Variants in PITX1 observed in about 807,000 individuals in gnomAD.
The protein encoded by PITX1 is paired like homeodomain 1.
In PITX1, 5 loss-of-function variants were observed where a neutral mutation model predicts 24.1. That is an observed-to-expected ratio of 0.21 (90% CI 0.11 to 0.44). PITX1 has a LOEUF of 0.44. Among genes scored for constraint, PITX1 ranks in the 20% least tolerant of loss-of-function variants. The pLI is 0.99. For synonymous variants in PITX1, 213 were observed against 208.9 expected, an observed-to-expected ratio of 1.02 and a Z score of -0.17; for missense variants, 401 against 455.4, an observed-to-expected ratio of 0.88 and a Z score of 1.09.
rs1279519696 is a variant in PITX1, at chr5:135,028,647, G to A, written c.*132C>T. Reference sequence around the variant, plus strand: ...ACCCGGAGTGGGAAGTGGGAGGAGGGGGCTGCGCAGGTGTGAGGTCCGCGG... The same window carrying A: ...ACCCGGAGTGGGAAGTGGGAGGAGGAGGCTGCGCAGGTGTGAGGTCCGCGG... On this transcript the variant is annotated 3_prime_UTR_variant, in exon 3 of 3. Coordinates refer to ENST00000265340, the MANE Select transcript of PITX1 (RefSeq NM_002653.5). 7 of 473,620 alleles carry A rather than the reference G, an allele frequency of 1.5e-5. No homozygotes were observed. The highest frequency in any genetic ancestry group is 2.2e-5 in the Non-Finnish European group (7 of 312,948). 29.3% of individuals were successfully genotyped at this position (473,620 alleles called of 1,614,324 possible).
chr5:135,029,398 G>T, intron 2 of PITX1, 77 bp from the exon 3 acceptor site: 1 of 1,267,224 alleles, frequency 7.9e-7, no homozygotes, highest in Non-Finnish European at 1.1e-6. Flanking sequence ...ACCGCCTGGA[G>T]CCTTCCGTCG....
chr5:135,034,317 GGAGCGAGC>G (rs1190691861), upstream of PITX1: 2 of 151,600 alleles, frequency 1.3e-5, no homozygotes, highest in Non-Finnish European at 3.0e-5. Context: ...GGCTGGGGAG[GGAGCGAGC>G]GAGCGAGGGA....
At chr5:135,031,186 T>TG in intron 2 of PITX1, 90 bp downstream of exon 2, 1 of 952,988 alleles carries the variant, frequency 1.0e-6, no homozygotes, top group Non-Finnish European at 1.7e-6. Context: ...AGTGAAGTTC[T>TG]GCTTGTGGGT....
chr5:135,029,616 T>A (rs1752415079), intron 2 of PITX1, among the ~76,000 whole-genome samples: 1 of 152,236 alleles, frequency 6.6e-6, no homozygotes, highest in African/African-American at 2.4e-5. Context: ...CTCAACCAGT[T>A]CACCTCTGCC....
At chr5:135,030,919 CA>C (rs1456082706) in intron 2 of PITX1, among the ~76,000 whole-genome samples, 1 of 152,240 alleles carries the variant, frequency 6.6e-6, no homozygotes, top group Non-Finnish European at 1.5e-5. Flanking sequence ...TCCCCAGCGG[CA>C]GGGAATCCAC....
At position 135,028,543 on chromosome 5, in the gene PITX1, T is replaced by G. The variant is rs1345701855; in HGVS notation, c.*236A>C. ...TTTCGCGGCACTTTTCTCCGACGTC[T>G]TTTTGCTTTTTTTTTTTTTTTTTTT... is the stretch of plus-strand genomic sequence containing the variant. On this transcript the variant is annotated 3_prime_UTR_variant, in exon 3 of 3. Transcript: ENST00000265340. 6.0e-6 allele frequency: 1 copy of G among 166,142 alleles called. No individual in the cohort carries two copies. Among genetic ancestry groups the G allele is most frequent in the Non-Finnish European group, 1.2e-5 (1 of 81,956 alleles). The allele number at this position is 166,142 out of a possible 1,614,324, so 10.3% of individuals were successfully genotyped here.
Position 135,028,795 on chromosome 5 carries a change from C to T in PITX1, c.929G>A (p.Cys310Tyr). The change falls in exon 3 of 3, where the codon TGC (cysteine) becomes TAC (tyrosine). Residue 310 changes from cysteine (C) to tyrosine (Y), a missense_variant. Transcript: ENST00000265340. ...GCGGGGCGGTCAGCTGTTGTACTGG[C>T]ACGCGTTGAGGCCCGAGGCCGGGCC... ...LQGPASGLNACQYNS is the reference protein window; with the variant it reads ...LQGPASGLNAYQYNS 6.2e-7 allele frequency: 1 copy of T among 1,604,472 alleles called. No homozygotes were observed. The highest frequency in any genetic ancestry group is 1.1e-5 in the South Asian group (1 of 90,648).
chr5:135,031,781 C>T (rs1171686755), intron 1 of PITX1: 2 of 566,230 alleles, frequency 3.5e-6, no homozygotes, highest in Admixed American at 3.2e-5. Context: ...ACCCTTAGCT[C>T]GGCTCAGATT....
chr5:135,033,932 C>A lies in PITX1; in HGVS notation c.-51G>T. On this transcript the variant is annotated 5_prime_UTR_variant, in exon 1 of 3. Transcript: ENST00000265340. This position sits in a 1 kb window ranked among gnomAD's most constrained non-coding sequence, Gnocchi z 5.9. The stretch of plus-strand genomic sequence containing the variant: ...CCAGGGGCCGGGGCTGGGCGCGCCC[C>A]GCCGCCCTGGCTGCGACCTGCGGGG... 3 of 1,200,914 alleles carry A rather than the reference C, an allele frequency of 2.5e-6. No homozygotes were observed. Among genetic ancestry groups the A allele is most frequent in the South Asian group, 2.6e-5 (1 of 38,982 alleles). The allele number at this position is 1,200,914 out of a possible 1,614,324, so 74.4% of individuals were successfully genotyped here. A position where few individuals can be genotyped will look rare whatever the true frequency, so the allele number is the denominator to read the frequency against.
Position 135,029,073 on chromosome 5 carries a change from G to C in PITX1, c.651C>G (p.Pro217=), listed in dbSNP as rs146204449. 2.5e-4 allele frequency: 397 copies of C among 1,614,138 alleles called. 1 individual carries two copies. The highest frequency in any genetic ancestry group is 2.8e-4 in the Non-Finnish European group (325 of 1,180,044). The change falls in exon 3 of 3, where the codon CCC becomes CCG. Residue 217 remains proline (P), a synonymous_variant. Coordinates refer to ENST00000265340, the MANE Select transcript of PITX1 (RefSeq NM_002653.5). The part of the protein sequence containing the change: ...PLSSQSMFSA[P]SSISSMTMPS... ...GCATGGTCATGGAGGAGATGGAGCT[G>C]GGTGCTGAGAACATGGACTGCGACG...
rs911312002 is a variant in PITX1 at position 135,033,316 on chromosome 5, C to G, written c.169+397G>C. ...TCACGGTGTTAACCTCCCTCTCTGT[C>G]TCTCTGAGTGCGTTCTCTCGCCCGT... is the stretch of plus-strand genomic sequence containing the variant. On this transcript the variant is annotated intron_variant, in intron 1 of 2. Coordinates refer to ENST00000265340, the MANE Select transcript of PITX1 (RefSeq NM_002653.5). This position sits in a 1 kb window ranked among gnomAD's most constrained non-coding sequence, Gnocchi z 5.9. 1.5e-4 allele frequency: 43 copies of G among 283,890 alleles called. No homozygotes were observed. Among genetic ancestry groups the G allele is most frequent in the African/African-American group, 1.1e-3 (43 of 40,664 alleles). The allele number at this position is 283,890 out of a possible 1,614,324, so 17.6% of individuals were successfully genotyped here.
At position 135,028,990 on chromosome 5, in the gene PITX1, ATGT is replaced by A. The variant is rs1752402362; in HGVS notation, c.731_733del (p.Asn244del). On this transcript the variant is annotated inframe_deletion, in exon 3 of 3. Transcript: ENST00000265340. Reference sequence around the variant, plus strand: ...GAGCGAGGAGCCGGTGAGGTTGTTGATGTTGTTGAGGCCCGAGTTGGGCATGCC... The same window carrying A: ...GAGCGAGGAGCCGGTGAGGTTGTTGATGTTGAGGCCCGAGTTGGGCATGCC... The A allele has an allele frequency of 1.2e-6, 2 of 1,614,014 alleles. No individual in the cohort carries two copies. The highest frequency in any genetic ancestry group is 1.1e-5 in the South Asian group (1 of 91,068).
chr5:135,033,275 A>T lies in PITX1; in HGVS notation c.169+438T>A, dbSNP rs1286705490. The T allele has an allele frequency of 4.0e-6, 1 of 250,038 alleles. No homozygotes were observed. The highest frequency in any genetic ancestry group is 7.2e-6 in the Non-Finnish European group (1 of 138,414). The allele number at this position is 250,038 out of a possible 1,614,324, so 15.5% of individuals were successfully genotyped here. On this transcript the variant is annotated intron_variant, in intron 1 of 2. Transcript: ENST00000265340. The surrounding 1 kb of genome is among the most constrained non-coding windows in gnomAD (Gnocchi z 5.9). ...CCGCCCCTTCTCTTTGGTCTCTTTCATTCTGTCGCCTACTGTCACGGTGTT... is the reference window on the plus strand; with the variant it reads ...CCGCCCCTTCTCTTTGGTCTCTTTCTTTCTGTCGCCTACTGTCACGGTGTT...
chr5:135,030,778 A>T (rs1752433367), intron 2 of PITX1, among the ~76,000 whole-genome samples: 1 of 152,196 alleles, frequency 6.6e-6, no homozygotes, highest in African/African-American at 2.4e-5. Flanking sequence ...GAATCTGCTT[A>T]TGAGATGGGA....
At chr5:135,029,726 T>C (rs1752417077) in intron 2 of PITX1, among the ~76,000 whole-genome samples, 1 of 152,256 alleles carries the variant, frequency 6.6e-6, no homozygotes, top group Non-Finnish European at 1.5e-5. Context: ...CATAGGACTT[T>C]CCGACTCCCC....
rs1345484390 is a variant in PITX1 at position 135,029,123 on chromosome 5, AGGTGAAGCTCTT to A, written c.589_600del (p.Lys197_Thr200del). 1.2e-6 allele frequency: 2 copies of A among 1,614,132 alleles called. No homozygotes were observed. Among genetic ancestry groups the A allele is most frequent in the Non-Finnish European group, 1.7e-6 (2 of 1,180,054 alleles). On this transcript the variant is annotated inframe_deletion, in exon 3 of 3. Coordinates refer to ENST00000265340, the MANE Select transcript of PITX1 (RefSeq NM_002653.5). ...GACAGCGGGCTCATGGAGTTGAAGA[AGGTGAAGCTCTT>A]GGTGGAGAGCGGCGCTGGCGCCAGG... is the stretch of plus-strand genomic sequence containing the variant.
rs910936439 is a variant in PITX1, at chr5:135,033,530, T to C, written c.169+183A>G. 1.7e-5 allele frequency: 11 copies of C among 647,536 alleles called. No homozygotes were observed. The highest frequency in any genetic ancestry group is 2.9e-5 in the Non-Finnish European group (11 of 380,184). 40.1% of individuals were successfully genotyped at this position (647,536 alleles called of 1,614,324 possible). A position where few individuals can be genotyped will look rare whatever the true frequency, so the allele number is the denominator to read the frequency against. Reference sequence around the variant, plus strand: ...CGCGTGGGGACCGCGTGGAAGTGCCTTCGCGTGTGCGTAAGTTTCCGCGTT... The same window carrying C: ...CGCGTGGGGACCGCGTGGAAGTGCCCTCGCGTGTGCGTAAGTTTCCGCGTT... On this transcript the variant is annotated intron_variant, in intron 1 of 2. Coordinates refer to ENST00000265340, the MANE Select transcript of PITX1 (RefSeq NM_002653.5). The surrounding 1 kb of genome is among the most constrained non-coding windows in gnomAD (Gnocchi z 5.9).
intron 1 of PITX1, chr5:135,032,963 G>A (rs1412838266): frequency 4.5e-6 from 2 of 447,870 alleles, no homozygotes; most frequent in East Asian, 7.1e-5. Flanking sequence ...CAGCGGATTC[G>A]CTGCCCCACT....
Position 135,028,746 on chromosome 5 carries a change from C to T in PITX1, c.*33G>A, listed in dbSNP as rs1311017986. 6.1e-6 allele frequency: 9 copies of T among 1,486,660 alleles called. No homozygotes were observed. The highest frequency in any genetic ancestry group is 2.2e-5 in the Admixed American group (1 of 44,696). The allele number at this position is 1,486,660 out of a possible 1,614,324, so 92.1% of individuals were successfully genotyped here. On this transcript the variant is annotated 3_prime_UTR_variant, in exon 3 of 3. Coordinates refer to ENST00000265340, the MANE Select transcript of PITX1 (RefSeq NM_002653.5). ...GCCCGCGCCCGCGCCCTTCCCCGCTCCGGCCGCCGGCCCGCGTGGTGCGGC... is the reference window on the plus strand; with the variant it reads ...GCCCGCGCCCGCGCCCTTCCCCGCTTCGGCCGCCGGCCCGCGTGGTGCGGC...
Sources: allele counts gnomAD v4.1 joint callset (sites outside exome capture counted in the v4.1 genomes callset), GRCh38; gene constraint gnomAD v4.1.1; non-coding constraint Gnocchi (gnomAD v3.1); transcripts MANE v1.5; gene names NCBI Gene and HGNC (gene_info 2026-07-23, HGNC 2026-07-21).